The following ZNF236 variants were observed in gnomAD, a reference collection of about 807,000 sequenced individuals.
The protein encoded by ZNF236 is zinc finger protein 236, also known as regulated by glucose.
A neutral mutation model predicts 191.2 loss-of-function variants in ZNF236; 50 were observed. The observed-to-expected ratio is 0.26, with a 90% CI of 0.21 to 0.33. ZNF236 has a LOEUF of 0.33. Among genes scored for constraint, ZNF236 ranks in the 10% least tolerant of loss-of-function variants. The pLI, the probability that ZNF236 is intolerant of heterozygous loss-of-function variation, is 1.00. For synonymous variants in ZNF236, 907 were observed against 928.8 expected (o/e 0.98, Z 0.43); for missense variants, 1,754 against 2,374.5 (o/e 0.74, Z 5.43).
At chr18:76,887,434 C>T (rs567460717) in intron 9 of ZNF236, 3 of 152,132 alleles carry the variant, frequency 2.0e-5, no homozygotes, top group African/African-American at 4.8e-5. Flanking sequence ...CAGCAGGGTC[C>T]GTTCCTCGAT....
At position 76,847,761 on chromosome 18, in the gene ZNF236, C is replaced by T. The variant is rs146565448; in HGVS notation, c.56-1765C>T. On this transcript the variant is annotated intron_variant, in intron 1 of 30. Transcript: ENST00000320610. ...AAAGTGCTGGGACTACAGGCGTGAG[C>T]CCCTCCGCCCGGCCCCAGCAATCAT... is the stretch of plus-strand genomic sequence containing the variant. Among the ~76,000 whole-genome samples the T allele has an allele frequency of 5.0e-3, 767 of 152,334 alleles. 4 individuals are homozygous for T. Among genetic ancestry groups the T allele is most frequent in the African/African-American group, 0.017 (703 of 41,574 alleles).
At chr18:76,961,791 T>C (rs771083072) in intron 30 of ZNF236, among the ~76,000 whole-genome samples, 28 of 152,264 alleles carry the variant, frequency 1.8e-4, no homozygotes, top group Non-Finnish European at 3.8e-4. Flanking sequence ...CACATTGTGG[T>C]TTTGATTTGC....
chr18:76,836,839 A>C (rs1398646906), intron 1 of ZNF236, among the ~76,000 whole-genome samples: 1 of 151,694 alleles, frequency 6.6e-6, no homozygotes, highest in Non-Finnish European at 1.5e-5. Context: ...GGCCTCCCAA[A>C]GTGCGGGGAT....
In ZNF236 at chr18:76,919,545, C is replaced by A. The variant is rs547383977; in HGVS notation, c.3275-231C>A. On this transcript the variant is annotated intron_variant, in intron 19 of 30. Coordinates refer to ENST00000320610, the MANE Select transcript of ZNF236 (RefSeq NM_001306089.2). The surrounding 1 kb of genome is among the most constrained non-coding windows in gnomAD (Gnocchi z 5.3). ...GCGGATGTTTTCACCCCTTCACCAA[C>A]CTCTGTTCATCCCCCGCCCCCCACT... is the stretch of plus-strand genomic sequence containing the variant. Among the ~76,000 whole-genome samples, 10 of 152,290 alleles carry A rather than the reference C, an allele frequency of 6.6e-5. No individual in the cohort carries two copies. The highest frequency in any genetic ancestry group is 2.0e-4 in the Admixed American group (3 of 15,294).
chr18:76,862,454 C>A (rs1271484449), intron 3 of ZNF236, among the ~76,000 whole-genome samples: 1 of 152,104 alleles, frequency 6.6e-6, no homozygotes, highest in Admixed American at 6.5e-5. Context: ...GGTGCTTGGG[C>A]CCAAGCAGGG....
chr18:76,865,954 C>A (rs1976392567), intron 3 of ZNF236, among the ~76,000 whole-genome samples: 1 of 152,176 alleles, frequency 6.6e-6, no homozygotes, highest in Admixed American at 6.5e-5. Flanking sequence ...TTAGTTACTG[C>A]TCTATTGAGA....
chr18:76,958,864 C>T (rs972439818), intron 28 of ZNF236, among the ~76,000 whole-genome samples: 2 of 152,224 alleles, frequency 1.3e-5, no homozygotes, highest in African/African-American at 4.8e-5. Context: ...ACATACGCAG[C>T]TGGAACACAG....
rs183043217 is a variant in ZNF236 at position 76,828,368 on chromosome 18, A to G, written c.55+5706A>G. On this transcript the variant is annotated intron_variant, in intron 1 of 30. Coordinates refer to ENST00000320610, the MANE Select transcript of ZNF236 (RefSeq NM_001306089.2). ...TTTTTACTAGGGATGGGGTTTTGCC[A>G]TGTTGGCCAGGCTGTTCTTGAACTT... Among the ~76,000 whole-genome samples, 18 of 152,026 alleles carry G rather than the reference A, an allele frequency of 1.2e-4. No homozygotes were observed. The East Asian group carries it at 3.5e-3, about 30-fold the overall frequency.
intron 4 of ZNF236, among the ~76,000 whole-genome samples, chr18:76,870,517 C>T (rs1976550525): frequency 6.6e-6 from 1 of 152,214 alleles, no homozygotes; most frequent in Non-Finnish European, 1.5e-5. Context: ...AAGCCTCGCC[C>T]TCACAGAACT....
intron 10 of ZNF236, among the ~76,000 whole-genome samples, chr18:76,897,278 C>T (rs577686383): frequency 2.0e-5 from 3 of 152,158 alleles, no homozygotes; most frequent in African/African-American, 7.2e-5. Flanking sequence ...AAACACAGTA[C>T]TGCACACAGG....
intron 1 of ZNF236, among the ~76,000 whole-genome samples, chr18:76,829,412 C>G (rs568747320): frequency 7.3e-4 from 111 of 151,330 alleles, no homozygotes; most frequent in African/African-American, 2.4e-3. Context: ...ACTGTAATCT[C>G]TGCCTCCCGG....
At chr18:76,902,108 T>G (rs952504515) in intron 11 of ZNF236, among the ~76,000 whole-genome samples, 1 of 152,230 alleles carries the variant, frequency 6.6e-6, no homozygotes, top group African/African-American at 2.4e-5. Context: ...TTAGACCAGA[T>G]AGGGGAACCT....
At chr18:76,832,003 T>G (rs1278634532) in intron 1 of ZNF236, among the ~76,000 whole-genome samples, 1 of 152,240 alleles carries the variant, frequency 6.6e-6, no homozygotes, top group Non-Finnish European at 1.5e-5. Context: ...TTTAGTACTT[T>G]TCGGATCTAT....
intron 1 of ZNF236, among the ~76,000 whole-genome samples, chr18:76,847,538 T>C (rs1975727924): frequency 6.6e-6 from 1 of 152,192 alleles, no homozygotes; most frequent in Non-Finnish European, 1.5e-5. Flanking sequence ...CGATCTCAGC[T>C]CACTGCAAGC....
intron 30 of ZNF236, among the ~76,000 whole-genome samples, chr18:76,962,867 G>T (rs1185618718): frequency 1.3e-5 from 2 of 151,984 alleles, no homozygotes; most frequent in African/African-American, 4.8e-5. Context: ...TCCTTGATTT[G>T]ATTCTCAGCT....
intron 26 of ZNF236, among the ~76,000 whole-genome samples, chr18:76,943,122 C>CAAAAAA (rs530931580): frequency 7.0e-5 from 6 of 85,696 alleles, no homozygotes; most frequent in Admixed American, 2.9e-4. Flanking sequence ...GACTCCGTCT[C>CAAAAAA]AAAAAAAAAA....
At chr18:76,962,146 C>CT (rs531293755) in intron 30 of ZNF236, among the ~76,000 whole-genome samples, 269 of 152,262 alleles carry the variant, frequency 1.8e-3, no homozygotes, top group Non-Finnish European at 3.2e-3. Context: ...AAGCCAATGT[C>CT]TAGAAGGGTT....
chr18:76,827,344 C>T lies in ZNF236; in HGVS notation c.55+4682C>T, dbSNP rs180871624. Among the ~76,000 whole-genome samples, 384 of 152,164 alleles carry T rather than the reference C, an allele frequency of 2.5e-3. 3 individuals are homozygous for T. Among genetic ancestry groups the T allele is most frequent in the African/African-American group, 8.9e-3 (370 of 41,512 alleles). ...GGGACTACAGGTGCATGCCACCATG[C>T]CCGGCTAATCTTTTTGTATTTTTAG... On this transcript the variant is annotated intron_variant, in intron 1 of 30. Transcript: ENST00000320610.
intron 1 of ZNF236, among the ~76,000 whole-genome samples, chr18:76,830,781 G>T (rs752823710): frequency 3.3e-5 from 5 of 152,090 alleles, no homozygotes; most frequent in Non-Finnish European, 7.4e-5. Flanking sequence ...TAGCTGTTTT[G>T]GTATGTATAG....
Sources: allele counts gnomAD v4.1 joint callset (sites outside exome capture counted in the v4.1 genomes callset), GRCh38; gene constraint gnomAD v4.1.1; non-coding constraint Gnocchi (gnomAD v3.1); transcripts MANE v1.5; gene names NCBI Gene and HGNC (gene_info 2026-07-23, HGNC 2026-07-21).